Variants in PGM1 observed in about 807,000 individuals in gnomAD.
PGM1 encodes the protein phosphoglucomutase 1.
A neutral mutation model predicts 55.6 loss-of-function variants in PGM1; 52 were observed. That is an observed-to-expected ratio of 0.94 (90% CI 0.75 to 1.18). The LOEUF is 1.18. Ranked by LOEUF, PGM1 falls within the 50% of genes most tolerant of loss-of-function variation. The pLI is 0.00. For synonymous variants in PGM1, 287 were observed against 271.7 expected (o/e 1.06, Z -0.55); for missense variants, 724 against 729.3 (o/e 0.99, Z 0.08).
intron 7 of PGM1, among the ~76,000 whole-genome samples, chr1:63,643,192 G>T (rs1156879962): frequency 6.6e-6 from 1 of 152,190 alleles, no homozygotes; most frequent in African/African-American, 2.4e-5. Flanking sequence ...GACAGAATAC[G>T]CCAGTAGAAC....
chr1:63,619,916 G>T (rs79958990), intron 1 of PGM1, among the ~76,000 whole-genome samples: 2,021 of 152,262 alleles, frequency 0.013, 45 homozygotes, highest in African/African-American at 0.046. Flanking sequence ...GTTCATAAAG[G>T]CTTTCCTAGA....
intron 9 of PGM1, among the ~76,000 whole-genome samples, chr1:63,652,542 C>G (rs111801485): frequency 1.3e-3 from 196 of 148,278 alleles, no homozygotes; most frequent in African/African-American, 4.7e-3. Flanking sequence ...CACTTACGCA[C>G]CAGGGTTCTC....
intron 1 of PGM1, among the ~76,000 whole-genome samples, chr1:63,613,164 A>G (rs1398990301): frequency 6.6e-6 from 1 of 151,188 alleles, no homozygotes; most frequent in Non-Finnish European, 1.5e-5. Context: ...GGCAAAGAAA[A>G]GGTGTAGGGG....
intron 1 of PGM1, among the ~76,000 whole-genome samples, chr1:63,609,826 T>G (rs775604411): frequency 7.9e-5 from 12 of 152,184 alleles, no homozygotes; most frequent in Non-Finnish European, 1.3e-4. Flanking sequence ...TTTCCCTAAC[T>G]TTAGGCTAAG....
At chr1:63,608,519 T>C (rs1648485752) in intron 1 of PGM1, among the ~76,000 whole-genome samples, 1 of 152,078 alleles carries the variant, frequency 6.6e-6, no homozygotes, top group African/African-American at 2.4e-5. Flanking sequence ...GGCCAGAAAA[T>C]GGATCTGGGA....
In PGM1 at chr1:63,630,139, G is replaced by A. The variant is rs144036497; in HGVS notation, c.556+51G>A. On this transcript the variant is annotated intron_variant, in intron 3 of 10. Coordinates refer to ENST00000371084, the MANE Select transcript of PGM1 (RefSeq NM_002633.3). ...GCCCACTCCTATTTCCAAGTTGAGC[G>A]ATTTTCCTTTCAACGTTTTAGTAGA... The A allele has an allele frequency of 1.4e-4, 214 of 1,580,386 alleles. No individual in the cohort carries two copies. In the African/African-American group the frequency reaches 1.7e-3, roughly 13 times the overall value.
At chr1:63,647,276 A>G (rs1160194144) in intron 7 of PGM1, among the ~76,000 whole-genome samples, 1 of 45,574 alleles carries the variant, frequency 2.2e-5, no homozygotes, top group African/African-American at 2.1e-4. Flanking sequence ...ATATATATAT[A>G]TATATATATA....
At chr1:63,606,467 C>A (rs1267487665) in intron 1 of PGM1, among the ~76,000 whole-genome samples, 2 of 152,182 alleles carry the variant, frequency 1.3e-5, no homozygotes, top group Non-Finnish European at 2.9e-5. Context: ...GTTGTGCAGC[C>A]TTCCCTGGAG....
At chr1:63,644,244 G>A (rs1649595494) in intron 7 of PGM1, among the ~76,000 whole-genome samples, 1 of 152,228 alleles carries the variant, frequency 6.6e-6, no homozygotes, top group South Asian at 2.1e-4. Flanking sequence ...GATGCTGAAA[G>A]GGTAGAATTC....
rs745424900 is a variant in PGM1 at position 63,651,789 on chromosome 1, T to G, written c.1401T>G (p.Thr467=). 1.2e-6 allele frequency: 2 copies of G among 1,613,988 alleles called. No individual in the cohort carries two copies. The highest frequency in any genetic ancestry group is 1.7e-6 in the Non-Finnish European group (2 of 1,179,914). Residue 467 remains threonine, a synonymous_variant, in exon 9 of 11, where the codon ACT becomes ACG. Transcript: ENST00000371084. ...KQFSANDKVY[T]VEKADNFEYS... is the part of the protein sequence containing the mutation. ...TCTCAGCAAATGACAAAGTTTACAC[T>G]GTGGAGAAGGCCGATAACTTTGAAT... is the stretch of plus-strand genomic sequence containing the variant.
intron 1 of PGM1, chr1:63,599,797 A>C (rs1035334285): frequency 6.6e-6 from 1 of 152,284 alleles, no homozygotes; most frequent in African/African-American, 2.4e-5. Context: ...TCAAAAATAA[A>C]TAAATAAATA....
chr1:63,656,117 C>T (rs1427678227), intron 10 of PGM1: 1 of 152,200 alleles, frequency 6.6e-6, no homozygotes, highest in African/African-American at 2.4e-5. Context: ...GTTTACATAG[C>T]ATTTGCTGAA....
At chr1:63,633,946 T>TTTTA (rs1557433842) in intron 4 of PGM1, among the ~76,000 whole-genome samples, 13 of 125,626 alleles carry the variant, frequency 1.0e-4, no homozygotes, top group African/African-American at 2.6e-4. Context: ...TTTTTTTTTT[T>TTTTA]TTTTTTTTTT....
chr1:63,630,243 A>T (rs1649158808), intron 3 of PGM1, among the ~76,000 whole-genome samples, 155 bp downstream of exon 3: 2 of 152,144 alleles, frequency 1.3e-5, no homozygotes, highest in Non-Finnish European at 2.9e-5. Context: ...GTCTGGAATT[A>T]GGTTTGGGAG....
At chr1:63,622,673 A>C (rs77015425) in intron 1 of PGM1, among the ~76,000 whole-genome samples, 1 of 152,162 alleles carries the variant, frequency 6.6e-6, no homozygotes, top group East Asian at 1.9e-4. Flanking sequence ...AGGAATGACC[A>C]AGCTGTTGGT....
chr1:63,652,115 A>G (rs1303562131), intron 9 of PGM1, among the ~76,000 whole-genome samples: 1 of 151,936 alleles, frequency 6.6e-6, no homozygotes, highest in Non-Finnish European at 1.5e-5. Context: ...GGATTTTTGC[A>G]CTCTCTGGAA....
chr1:63,609,851 C>T (rs1648521321), intron 1 of PGM1, among the ~76,000 whole-genome samples: 1 of 152,086 alleles, frequency 6.6e-6, no homozygotes, highest in Admixed American at 6.6e-5. Flanking sequence ...GTGTTGTGGG[C>T]CCATTTAAGG....
chr1:63,608,517 A>G (rs1648485694), intron 1 of PGM1, among the ~76,000 whole-genome samples: 1 of 152,200 alleles, frequency 6.6e-6, no homozygotes, highest in Admixed American at 6.5e-5. Flanking sequence ...GAGGCCAGAA[A>G]ATGGATCTGG....
chr1:63,600,154 C>G (rs1648197179), intron 1 of PGM1: 1 of 152,156 alleles, frequency 6.6e-6, no homozygotes, highest in South Asian at 2.1e-4. Flanking sequence ...AGAGAATAGG[C>G]AGGACTCTTT....
Sources: allele counts gnomAD v4.1 joint callset (sites outside exome capture counted in the v4.1 genomes callset), GRCh38; gene constraint gnomAD v4.1.1; transcripts MANE v1.5; gene names NCBI Gene and HGNC (gene_info 2026-07-23, HGNC 2026-07-21).